The following POC1A variants were observed in gnomAD, a reference collection of about 807,000 sequenced individuals.
The protein encoded by POC1A is POC1 centriolar protein homolog A.
Under a neutral mutation model 47.8 loss-of-function variants are expected in POC1A, and 34 were observed. That is an observed-to-expected ratio of 0.71 (90% confidence interval 0.54 to 0.95). The LOEUF is 0.95. Ranked by LOEUF, POC1A falls within the 40% of genes least tolerant of loss-of-function variation. The pLI is 0.00. For synonymous variants in POC1A, 177 were observed against 207.6 expected (o/e 0.85, Z 1.27); for missense variants, 466 against 528.3 (o/e 0.88, Z 1.16).
intron 7 of POC1A, among the ~76,000 whole-genome samples, chr3:52,128,422 G>A (rs1040298413): frequency 1.3e-5 from 2 of 152,196 alleles, no homozygotes; most frequent in Non-Finnish European, 2.9e-5. Context: ...AAGTTCCAGG[G>A]ATGAAGCGAG....
At chr3:52,139,787 G>A (rs968706049) in intron 6 of POC1A, among the ~76,000 whole-genome samples, 8 of 152,184 alleles carry the variant, frequency 5.3e-5, no homozygotes, top group African/African-American at 1.9e-4. Context: ...AGCCCCAGCA[G>A]GTTACACAAC....
chr3:52,130,756 T>C (rs1200842853), intron 7 of POC1A, among the ~76,000 whole-genome samples: 1 of 152,088 alleles, frequency 6.6e-6, no homozygotes, highest in Non-Finnish European at 1.5e-5. Context: ...GCCCTCCACC[T>C]GGGGTGGACA....
intron 9 of POC1A, among the ~76,000 whole-genome samples, chr3:52,105,592 G>A (rs905150960): frequency 1.1e-4 from 16 of 152,118 alleles, no homozygotes; most frequent in Non-Finnish European, 2.1e-4. Flanking sequence ...AGCCTATACC[G>A]AATTCACCAC....
At chr3:52,125,077 C>T in intron 8 of POC1A, 36 bp downstream of exon 8, 1 of 1,493,282 alleles carries the variant, frequency 6.7e-7, no homozygotes, top group Non-Finnish European at 9.3e-7. Context: ...CTCAGATTCC[C>T]TTCTTCACCA....
At chr3:52,085,538 G>A (rs972234908) in intron 10 of POC1A, among the ~76,000 whole-genome samples, 1 of 152,160 alleles carries the variant, frequency 6.6e-6, no homozygotes, top group Non-Finnish European at 1.5e-5. Context: ...CCCACCTGAG[G>A]CCCGCCCACT....
In POC1A at chr3:52,084,795, T is replaced by G. The variant is rs1702406156; in HGVS notation, c.1126-8810A>C. ...GGTACCTGGGGCCCTCCTTGGTGAG[T>G]GGTACTGGTTCTTATGGGAGCGTCC... On this transcript the variant is annotated intron_variant, in intron 10 of 10. Transcript: ENST00000296484. This position sits in a 1 kb window ranked among gnomAD's most constrained non-coding sequence, Gnocchi z 4.3. Among the ~76,000 whole-genome samples the G allele has an allele frequency of 6.6e-6, 1 of 152,074 alleles. No homozygotes were observed. The highest frequency in any genetic ancestry group is 1.5e-5 in the Non-Finnish European group (1 of 68,004).
At chr3:52,130,021 C>T (rs1002496079) in intron 7 of POC1A, among the ~76,000 whole-genome samples, 1 of 152,206 alleles carries the variant, frequency 6.6e-6, no homozygotes, top group African/African-American at 2.4e-5. Context: ...TCACACTGAC[C>T]TCGCTGCTCT....
rs1295922343 is a variant in POC1A, at chr3:52,147,709, G to A, written c.456-614C>T. Among the ~76,000 whole-genome samples the A allele has an allele frequency of 2.0e-5, 3 of 152,092 alleles. No individual in the cohort carries two copies. The East Asian group carries it at 5.8e-4, about 29-fold the overall frequency. On this transcript the variant is annotated intron_variant, in intron 4 of 10. Coordinates refer to ENST00000296484, the MANE Select transcript of POC1A (RefSeq NM_015426.5). ...TCCTCCCACCTCATCCACCCAAAGTGCTAGGATTACAGACATGCACCTTCA... is the reference window on the plus strand; with the variant it reads ...TCCTCCCACCTCATCCACCCAAAGTACTAGGATTACAGACATGCACCTTCA...
chr3:52,094,930 A>G (rs59542393), intron 10 of POC1A, among the ~76,000 whole-genome samples: 2,567 of 152,322 alleles, frequency 0.017, 69 homozygotes, highest in African/African-American at 0.057. Context: ...GTTTTTTAAA[A>G]GTTACTATCA....
At chr3:52,151,906 C>A (rs546240583) in intron 1 of POC1A, among the ~76,000 whole-genome samples, 9 of 151,250 alleles carry the variant, frequency 6.0e-5, no homozygotes, top group Non-Finnish European at 1.0e-4. Flanking sequence ...AAAAAAAAAT[C>A]TTTAAAAACA....
intron 8 of POC1A, among the ~76,000 whole-genome samples, chr3:52,124,318 G>C (rs954862760): frequency 2.0e-5 from 3 of 152,216 alleles, no homozygotes; most frequent in African/African-American, 4.8e-5. Flanking sequence ...GGCCTCCCCA[G>C]TGCCAGGGTC....
At chr3:52,154,312 C>T in intron 1 of POC1A, 43 bp downstream of exon 1, 2 of 1,548,326 alleles carry the variant, frequency 1.3e-6, no homozygotes, top group Non-Finnish European at 1.7e-6. Context: ...AGTGTCCCAG[C>T]GGGGAGACTG....
chr3:52,145,614 T>C (rs1047200809), intron 6 of POC1A, among the ~76,000 whole-genome samples: 2 of 152,158 alleles, frequency 1.3e-5, no homozygotes, highest in Non-Finnish European at 2.9e-5. Context: ...GAGGTGAGCA[T>C]TGACTGGCTC....
intron 9 of POC1A, among the ~76,000 whole-genome samples, chr3:52,110,676 T>C (rs1010217578): frequency 2.0e-5 from 3 of 152,214 alleles, no homozygotes; most frequent in African/African-American, 4.8e-5. Context: ...GTCATCACTA[T>C]TGGCAAAAAG....
chr3:52,131,395 T>A (rs1260573533), intron 7 of POC1A, among the ~76,000 whole-genome samples: 2 of 152,104 alleles, frequency 1.3e-5, no homozygotes, highest in East Asian at 3.9e-4. Context: ...TGAGCCTCCA[T>A]TGCAGCTCTG....
intron 4 of POC1A, among the ~76,000 whole-genome samples, chr3:52,148,499 G>A (rs192140338): frequency 2.0e-5 from 3 of 152,382 alleles, no homozygotes; most frequent in African/African-American, 7.2e-5. Context: ...TCTGTTGAAA[G>A]GAATGAAATA....
At chr3:52,100,794 C>T (rs966919953) in intron 9 of POC1A, among the ~76,000 whole-genome samples, 1 of 152,034 alleles carries the variant, frequency 6.6e-6, no homozygotes, top group Non-Finnish European at 1.5e-5. Flanking sequence ...GGAAGAAAAC[C>T]GTTCTTGGAG....
chr3:52,094,425 A>G (rs62261064), intron 10 of POC1A, among the ~76,000 whole-genome samples: 3,245 of 152,348 alleles, frequency 0.021, 60 homozygotes, highest in Non-Finnish European at 0.033. Flanking sequence ...TGCCAAGAGA[A>G]AGGCACAGGG....
At chr3:52,100,884 G>A (rs1391410404) in intron 9 of POC1A, among the ~76,000 whole-genome samples, 5 of 152,080 alleles carry the variant, frequency 3.3e-5, no homozygotes, top group Non-Finnish European at 7.4e-5. Flanking sequence ...AGAGCATCCT[G>A]AAACTACTAG....
Sources: gnomAD v4.1 joint callset for allele counts (sites outside exome capture counted in the v4.1 genomes callset) on GRCh38, gnomAD v4.1.1 for gene constraint, Gnocchi (gnomAD v3.1) non-coding constraint, MANE v1.5 for transcripts, NCBI Gene and HGNC (gene_info 2026-07-23, HGNC 2026-07-21) for gene names.